The following CLMN variants were observed in gnomAD, a reference collection of about 807,000 sequenced individuals.
CLMN encodes calmin (calponin-like, transmembrane).
Under a neutral mutation model 92.7 loss-of-function variants are expected in CLMN, and 57 were observed. The observed-to-expected ratio is 0.61, with a 90% confidence interval of 0.50 to 0.77. The LOEUF is 0.77. CLMN is among the 30% of genes least tolerant of loss of function. The pLI, the probability that CLMN is intolerant of heterozygous loss-of-function variation, is 0.00. For missense variants in CLMN, 1,158 were observed against 1,237.5 expected (o/e 0.94, Z 0.96); for synonymous variants, 466 against 470.6 (o/e 0.99, Z 0.13).
intron 1 of CLMN, among the ~76,000 whole-genome samples, chr14:95,238,418 C>G (rs779394144): frequency 1.6e-4 from 24 of 150,088 alleles, no homozygotes; most frequent in Middle Eastern, 3.4e-3. Context: ...GTATTAAAGT[C>G]AAGGCCTCCA....
At chr14:95,193,287 C>T (rs1392420491) in intron 12 of CLMN, 1 of 1,430,176 alleles carries the variant, frequency 7.0e-7, no homozygotes, top group Non-Finnish European at 9.5e-7. Context: ...AACATTAGGC[C>T]AGGCCAACAG....
In CLMN at chr14:95,203,758, T is replaced by G. The variant is rs373364461; in HGVS notation, c.1591A>C (p.Asn531His). ...TGGAAGGAATCGGCCATCACAGTATTTTCTCCTGGGGGTGAAAGAGAGTGA... is the reference window on the plus strand; with the variant it reads ...TGGAAGGAATCGGCCATCACAGTATGTTCTCCTGGGGGTGAAAGAGAGTGA... ...ESHSLSPPGENTVMADSFQIK... is the reference protein window; with the variant it reads ...ESHSLSPPGEHTVMADSFQIK... Residue 531 changes from asparagine (N) to histidine (H), a missense_variant, in exon 9 of 13, where the codon AAT becomes CAT. Coordinates refer to ENST00000298912, the MANE Select transcript of CLMN (RefSeq NM_024734.4). 61 of 1,614,014 alleles carry G rather than the reference T, an allele frequency of 3.8e-5. No homozygotes were observed. The highest frequency in any genetic ancestry group is 1.7e-4 in the Admixed American group (10 of 60,004).
chr14:95,193,300 C>T lies in CLMN; in HGVS notation c.2840+549G>A, dbSNP rs1014315944. On this transcript the variant is annotated intron_variant, in intron 12 of 12. Transcript: ENST00000298912. ...GCAACATTAGGCCAGGCCAACAGTTCTCCGACAGCAAGAAATACTTTCATA... is the reference window on the plus strand; with the variant it reads ...GCAACATTAGGCCAGGCCAACAGTTTTCCGACAGCAAGAAATACTTTCATA... 5 of 1,503,332 alleles carry T rather than the reference C, an allele frequency of 3.3e-6. No individual in the cohort carries two copies. The African/African-American group carries it at 5.5e-5, about 17-fold the overall frequency. 93.1% of individuals were successfully genotyped at this position (1,503,332 alleles called of 1,614,324 possible). A position where few individuals can be genotyped will look rare whatever the true frequency, so the allele number is the denominator to read the frequency against.
chr14:95,286,971 A>G (rs1900368223), intron 1 of CLMN, among the ~76,000 whole-genome samples: 1 of 152,178 alleles, frequency 6.6e-6, no homozygotes, highest in African/African-American at 2.4e-5. Flanking sequence ...AGAACCAACA[A>G]CTAACACAAA....
At chr14:95,276,717 C>T (rs1477155381) in intron 1 of CLMN, among the ~76,000 whole-genome samples, 1 of 152,178 alleles carries the variant, frequency 6.6e-6, no homozygotes, top group African/African-American at 2.4e-5. Context: ...GGTCACTGCA[C>T]CCCACTTTGA....
rs766695666 is a variant in CLMN, at chr14:95,193,902, A to T, written c.2787T>A (p.Val929=). 39 of 1,613,970 alleles carry T rather than the reference A, an allele frequency of 2.4e-5. No homozygotes were observed. Among genetic ancestry groups the T allele is most frequent in the Non-Finnish European group, 3.2e-5 (38 of 1,180,024 alleles). The part of the protein sequence containing the change: ...RSSESDHFSY[V]QLRNAADLDD... ...CCAGATCTGCTGCGTTCCTCAACTG[A>T]ACATAGCTAAAATGATCCTACAGTG... Residue 929 remains valine (V), a synonymous_variant, in exon 12 of 13, where the codon GTT becomes GTA. Coordinates refer to ENST00000298912, the MANE Select transcript of CLMN (RefSeq NM_024734.4).
rs764695516 is a variant in CLMN, at chr14:95,204,200, A to C, written c.1149T>G (p.Ile383Met). The C allele has an allele frequency of 1.9e-6, 3 of 1,614,054 alleles. No homozygotes were observed. The highest frequency in any genetic ancestry group is 2.5e-6 in the Non-Finnish European group (3 of 1,180,012). The change falls in exon 9 of 13, where the codon ATT (isoleucine) becomes ATG (methionine). Residue 383 changes from isoleucine (I) to methionine (M), a missense_variant. Transcript: ENST00000298912. Reference sequence around the variant, plus strand: ...GGCCCCCTTGCAGGACCTGGTCAATAATCTGGTGCATGAACTCGGTGGAGC... The same window carrying C: ...GGCCCCCTTGCAGGACCTGGTCAATCATCTGGTGCATGAACTCGGTGGAGC... ...SDSSTEFMHQ[I>M]IDQVLQGGPG...
intron 1 of CLMN, among the ~76,000 whole-genome samples, chr14:95,273,991 C>G (rs1411449301): frequency 6.6e-6 from 1 of 152,228 alleles, no homozygotes; most frequent in East Asian, 1.9e-4. Context: ...GATTCTGAAC[C>G]TGGCATCCCC....
chr14:95,230,012 A>G, intron 2 of CLMN, 60 bp downstream of exon 2: 1 of 1,513,920 alleles, frequency 6.6e-7, no homozygotes. Flanking sequence ...CACTCTCTGG[A>G]ACTGTAAATT....
At chr14:95,264,008 CTTTATTTAT>C in intron 1 of CLMN, among the ~76,000 whole-genome samples, 1 of 143,858 alleles carries the variant, frequency 7.0e-6, no homozygotes, top group East Asian at 2.1e-4. Flanking sequence ...CACCTTATTA[CTTTATTTAT>C]TTATTTATTT....
chr14:95,303,578 G>A (rs941588553), intron 1 of CLMN, among the ~76,000 whole-genome samples: 13 of 152,304 alleles, frequency 8.5e-5, no homozygotes, highest in African/African-American at 2.6e-4. Context: ...CAAAGTGTGC[G>A]GCTGAGAAAA....
chr14:95,296,491 ATGGGCTTTATTTCCCAGTTTCC>A (rs1304890001), intron 1 of CLMN, among the ~76,000 whole-genome samples: 2 of 152,238 alleles, frequency 1.3e-5, no homozygotes, highest in Non-Finnish European at 2.9e-5. Flanking sequence ...GGTGGGCACC[ATGGGCTTTATTTCCCAGTTTCC>A]TGTGCAATTA....
chr14:95,258,459 G>T (rs1899102932), intron 1 of CLMN, among the ~76,000 whole-genome samples: 1 of 151,066 alleles, frequency 6.6e-6, no homozygotes, highest in African/African-American at 2.4e-5. Flanking sequence ...TGTGTGGAGG[G>T]TGTGTTTGTG....
chr14:95,245,899 GATGA>G (rs1716681550), intron 1 of CLMN, among the ~76,000 whole-genome samples: 1 of 123,612 alleles, frequency 8.1e-6, no homozygotes, highest in Non-Finnish European at 1.7e-5. Context: ...TGGACACACG[GATGA>G]ATGGATGGAT....
intron 1 of CLMN, among the ~76,000 whole-genome samples, chr14:95,312,880 G>T (rs1194835955): frequency 6.6e-6 from 1 of 152,134 alleles, no homozygotes; most frequent in African/African-American, 2.4e-5. Flanking sequence ...ATCACTGACA[G>T]ACATACACAC....
chr14:95,285,655 G>GAAAATCTTTTAGAAGAGTGGACA, intron 1 of CLMN, among the ~76,000 whole-genome samples: 1 of 152,206 alleles, frequency 6.6e-6, no homozygotes, highest in Non-Finnish European at 1.5e-5. Context: ...GAGGATCTGA[G>GAAAATCTTTTAGAAGAGTGGACA]AAAATCTTTT....
chr14:95,255,012 G>A (rs577607417), intron 1 of CLMN, among the ~76,000 whole-genome samples: 3 of 152,132 alleles, frequency 2.0e-5, no homozygotes, highest in Non-Finnish European at 2.9e-5. Flanking sequence ...AAGTTAAAAC[G>A]AGGCCTTTCG....
At chr14:95,216,470 C>G (rs1897349756) in intron 4 of CLMN, among the ~76,000 whole-genome samples, 1 of 152,198 alleles carries the variant, frequency 6.6e-6, no homozygotes, top group African/African-American at 2.4e-5. Flanking sequence ...TGTCACATAG[C>G]TGGTAAGGCT....
At position 95,297,811 on chromosome 14, in the gene CLMN, GCACACACACACA is replaced by G. The variant is rs3219870; in HGVS notation, c.82+21888_82+21899del. 9.5e-4 allele frequency among the ~76,000 whole-genome samples: 137 copies of G among 144,872 alleles called. 1 individual carries two copies. The highest frequency in any genetic ancestry group is 3.2e-3 in the East Asian group (16 of 4,962). The stretch of plus-strand genomic sequence containing the variant: ...TTTTTGGCTATTATGAATATGGCAG[GCACACACACACA>G]CACACACACACACACACACACACAC... On this transcript the variant is annotated intron_variant, in intron 1 of 12. Transcript: ENST00000298912.
Sources: gnomAD v4.1 joint callset for allele counts (sites outside exome capture counted in the v4.1 genomes callset) on GRCh38, gnomAD v4.1.1 for gene constraint, MANE v1.5 for transcripts, NCBI Gene and HGNC (gene_info 2026-07-23, HGNC 2026-07-21) for gene names.